Variants in LNX1 observed in about 807,000 individuals in gnomAD.
LNX1 encodes the protein ligand of numb-protein X 1, also known as E3 ubiquitin-protein ligase LNX.
Under a neutral mutation model 68.4 loss-of-function variants are expected in LNX1, and 54 were observed. That is an observed-to-expected ratio of 0.79 (90% CI 0.63 to 0.99). The LOEUF (loss-of-function observed/expected upper bound fraction) is 0.99, where lower values mean the gene tolerates loss of function less well. Among genes scored for constraint, LNX1 ranks in the 50% least tolerant of loss-of-function variants. The pLI is 0.00. For missense variants in LNX1, 906 were observed against 926.4 expected (o/e 0.98, Z 0.29); for synonymous variants, 336 against 350.0 (o/e 0.96, Z 0.45).
At chr4:53,557,723 C>T (rs976489410) in intron 2 of LNX1, 26 of 793,298 alleles carry the variant, frequency 3.3e-5, no homozygotes, top group South Asian at 2.1e-4. Flanking sequence ...GCTAAGCATG[C>T]CGTTTTAAAC....
At chr4:53,490,102 T>G (rs1724577957) in intron 6 of LNX1, among the ~76,000 whole-genome samples, 1 of 149,626 alleles carries the variant, frequency 6.7e-6, no homozygotes, top group Non-Finnish European at 1.5e-5. Flanking sequence ...TGTTCTTTGA[T>G]GAAATGAATT....
intron 2 of LNX1, among the ~76,000 whole-genome samples, chr4:53,571,627 G>A (rs1731177855): frequency 6.6e-6 from 1 of 152,080 alleles, no homozygotes. Flanking sequence ...CGAGATGTAC[G>A]TTAGACCTCT....
rs147730137 is a variant in LNX1, at chr4:53,460,533, G to GTAAAT, written c.*369_*373dup. On this transcript the variant is annotated 3_prime_UTR_variant, in exon 11 of 11. Coordinates refer to ENST00000263925, the MANE Select transcript of LNX1 (RefSeq NM_001126328.3). ...ATGCATTTTAAAAAATATTTTAGCT[G>GTAAAT]TAAATTAAAAATGGCCATAATGTAC... The GTAAAT allele has an allele frequency of 5.1e-3, 1,061 of 209,846 alleles. 13 individuals carry two copies. Among genetic ancestry groups the GTAAAT allele is most frequent in the African/African-American group, 0.023 (1,006 of 43,996 alleles). 13.0% of individuals were successfully genotyped at this position (209,846 alleles called of 1,614,324 possible). A position where few individuals can be genotyped will look rare whatever the true frequency, so the allele number is the denominator to read the frequency against.
intron 9 of LNX1, among the ~76,000 whole-genome samples, chr4:53,467,771 C>T (rs376512020): frequency 1.3e-4 from 20 of 151,970 alleles, no homozygotes; most frequent in South Asian, 8.3e-4. Flanking sequence ...TGAAATGAAG[C>T]GAGAAGAGAA....
chr4:53,507,059 C>T (rs937095594), intron 4 of LNX1, among the ~76,000 whole-genome samples: 4 of 151,942 alleles, frequency 2.6e-5, no homozygotes, highest in African/African-American at 7.2e-5. Flanking sequence ...TATAATTATT[C>T]TTCCTCATAT....
At chr4:53,564,051 C>T (rs116058945) in intron 2 of LNX1, among the ~76,000 whole-genome samples, 2,034 of 152,288 alleles carry the variant, frequency 0.013, 59 homozygotes, top group African/African-American at 0.047. Flanking sequence ...CTGCTGTGGG[C>T]GCCTGTGAAG....
At chr4:53,606,525 C>G (rs1733243401) in intron 2 of LNX1, among the ~76,000 whole-genome samples, 1 of 151,956 alleles carries the variant, frequency 6.6e-6, no homozygotes, top group Non-Finnish European at 1.5e-5. Context: ...CAGCCAAATT[C>G]TACTGGATGT....
At chr4:53,477,647 T>C (rs528846592) in intron 8 of LNX1, among the ~76,000 whole-genome samples, 1 of 152,324 alleles carries the variant, frequency 6.6e-6, no homozygotes, top group Non-Finnish European at 1.5e-5. Flanking sequence ...CCCAGATGTT[T>C]TGCAGAAAAG....
At chr4:53,475,027 C>T (rs966888676) in intron 9 of LNX1, among the ~76,000 whole-genome samples, 8 of 151,876 alleles carry the variant, frequency 5.3e-5, no homozygotes, top group African/African-American at 1.7e-4. Context: ...CTTAGCCTCC[C>T]AAACTGCTGG....
At chr4:53,601,954 A>AC (rs1733034062) in intron 2 of LNX1, among the ~76,000 whole-genome samples, 1 of 150,588 alleles carries the variant, frequency 6.6e-6, no homozygotes, top group Non-Finnish European at 1.5e-5. Flanking sequence ...TATACCACCA[A>AC]CCCTCCTCAC....
At chr4:53,464,388 A>G (rs1478616604) in intron 9 of LNX1, among the ~76,000 whole-genome samples, 1 of 152,150 alleles carries the variant, frequency 6.6e-6, no homozygotes, top group Non-Finnish European at 1.5e-5. Context: ...CTAATACTTT[A>G]TCGTTAAATA....
rs143890609 is a variant in LNX1, at chr4:53,554,242, T to C, written c.380+19381A>G. On this transcript the variant is annotated intron_variant, in intron 2 of 10. Coordinates refer to ENST00000263925, the MANE Select transcript of LNX1 (RefSeq NM_001126328.3). Reference sequence around the variant, plus strand: ...CGCTGCCACTGGACTCTCTCCCCTATATGTAAGTCCCCAGTAAAACCCAGT... The same window carrying C: ...CGCTGCCACTGGACTCTCTCCCCTACATGTAAGTCCCCAGTAAAACCCAGT... Among the ~76,000 whole-genome samples the C allele has an allele frequency of 4.5e-3, 689 of 152,344 alleles. 5 individuals are homozygous for C. The highest frequency in any genetic ancestry group is 5.3e-3 in the Non-Finnish European group (364 of 68,040).
At chr4:53,622,907 G>T (rs1733939734) in intron 1 of LNX1, among the ~76,000 whole-genome samples, 1 of 152,140 alleles carries the variant, frequency 6.6e-6, no homozygotes, top group African/African-American at 2.4e-5. Flanking sequence ...ATTTCTCTTA[G>T]AAGTAAAATA....
chr4:53,566,685 C>T (rs1318899647), intron 2 of LNX1, among the ~76,000 whole-genome samples: 2,400 of 151,474 alleles, frequency 0.016, 53 homozygotes, highest in African/African-American at 0.055. Flanking sequence ...AATGCTCCAA[C>T]TAAAAGACAC....
intron 9 of LNX1, among the ~76,000 whole-genome samples, chr4:53,468,196 TAAAAG>T (rs918790939): frequency 3.9e-5 from 6 of 152,040 alleles, no homozygotes; most frequent in Non-Finnish European, 4.4e-5. Context: ...TCAACATCCT[TAAAAG>T]AAAAGAATTT....
chr4:53,577,808 C>A (rs1389460248), intron 1 of LNX1, among the ~76,000 whole-genome samples: 1 of 152,110 alleles, frequency 6.6e-6, no homozygotes, highest in South Asian at 2.1e-4. Flanking sequence ...CAGACTAGAT[C>A]GTGTACAACA....
Position 53,466,735 on chromosome 4 carries a change from C to T in LNX1, c.1893-5142G>A, listed in dbSNP as rs557592592. ...GGTCCTATGCCCAAGGAGCCTTGCT[C>T]ATTGCTAGCACAGCAGTAAAGTGCA... On this transcript the variant is annotated intron_variant, in intron 9 of 10. Transcript: ENST00000263925. Among the ~76,000 whole-genome samples, 7 of 152,350 alleles carry T rather than the reference C, an allele frequency of 4.6e-5. No individual in the cohort carries two copies. The South Asian group carries it at 1.0e-3, about 23-fold the overall frequency.
chr4:53,532,495 T>C (rs1202096057), intron 2 of LNX1, among the ~76,000 whole-genome samples: 1 of 151,976 alleles, frequency 6.6e-6, no homozygotes, highest in Non-Finnish European at 1.5e-5. Context: ...AGAAAGTACC[T>C]GGTGACACAA....
At chr4:53,629,559 A>G (rs1197577145) in intron 1 of LNX1, among the ~76,000 whole-genome samples, 1 of 152,198 alleles carries the variant, frequency 6.6e-6, no homozygotes, top group Non-Finnish European at 1.5e-5. Flanking sequence ...CTGCACCACA[A>G]ACTGCAGCCC....
Sources: gnomAD v4.1 joint callset for allele counts (sites outside exome capture counted in the v4.1 genomes callset) on GRCh38, gnomAD v4.1.1 for gene constraint, MANE v1.5 for transcripts, NCBI Gene and HGNC (gene_info 2026-07-23, HGNC 2026-07-21) for gene names.